Variants in EYA4 observed in about 807,000 individuals in gnomAD.
The protein encoded by EYA4 is EYA transcriptional coactivator and phosphatase 4.
A neutral mutation model predicts 87.9 loss-of-function variants in EYA4; 31 were observed. That is an observed-to-expected ratio of 0.35 (90% CI 0.27 to 0.48). The LOEUF (loss-of-function observed/expected upper bound fraction) is 0.48, where lower values mean the gene tolerates loss of function less well. Among genes scored for constraint, EYA4 ranks in the 20% least tolerant of loss-of-function variants. EYA4 has a pLI of 0.99. For missense variants in EYA4, 678 were observed against 761.4 expected, an observed-to-expected ratio of 0.89 and a Z score of 1.29; for synonymous variants, 263 against 270.6, an observed-to-expected ratio of 0.97 and a Z score of 0.28.
Position 133,529,522 on chromosome 6 carries a change from G to GAAA in EYA4, c.*723_*725dup, listed in dbSNP as rs1368384338. 2.7e-3 allele frequency: 2,377 copies of GAAA among 876,930 alleles called. 35 individuals carry two copies. In the African/African-American group the frequency reaches 0.033, roughly 12 times the overall value. 54.3% of individuals were successfully genotyped at this position (876,930 alleles called of 1,614,324 possible). A position where few individuals can be genotyped will look rare whatever the true frequency, so the allele number is the denominator to read the frequency against. On this transcript the variant is annotated 3_prime_UTR_variant, in exon 20 of 20. Coordinates refer to ENST00000355286, the MANE Select transcript of EYA4 (RefSeq NM_004100.5). ...TTTGGTTAAAATCTCTGTAGATAAT[G>GAAA]AAAAAAAACAAAAAAAAAAACCTTT...
intron 2 of EYA4, among the ~76,000 whole-genome samples, chr6:133,362,537 T>C (rs1221693356): frequency 1.3e-5 from 2 of 152,140 alleles, no homozygotes; most frequent in Admixed American, 1.3e-4. Flanking sequence ...ATGCCCTCAA[T>C]TGAAACAGAC....
chr6:133,307,891 A>G (rs1197361349), intron 2 of EYA4, among the ~76,000 whole-genome samples: 8 of 152,122 alleles, frequency 5.3e-5, no homozygotes, highest in Non-Finnish European at 7.4e-5. Context: ...GCTCCCTCCC[A>G]TAATCCCCGT....
At chr6:133,516,759 C>T (rs992090148) in intron 17 of EYA4, among the ~76,000 whole-genome samples, 4 of 151,096 alleles carry the variant, frequency 2.6e-5, no homozygotes, top group Admixed American at 6.6e-5. Context: ...TTAATGAGAA[C>T]GTGCAGTATT....
chr6:133,376,796 A>G (rs983509303), intron 2 of EYA4, among the ~76,000 whole-genome samples: 9 of 152,050 alleles, frequency 5.9e-5, no homozygotes, highest in Admixed American at 1.3e-4. Flanking sequence ...TATTGAAAGT[A>G]TTAATTATTC....
intron 3 of EYA4, among the ~76,000 whole-genome samples, chr6:133,407,726 CT>C (rs1788843976): frequency 7.3e-6 from 1 of 137,234 alleles, no homozygotes; most frequent in African/African-American, 2.7e-5. Flanking sequence ...ATGTTTGTTA[CT>C]AATTTTCAGG....
intron 3 of EYA4, among the ~76,000 whole-genome samples, chr6:133,423,463 T>C (rs1157215852): frequency 6.6e-6 from 1 of 152,224 alleles, no homozygotes; most frequent in Non-Finnish European, 1.5e-5. Context: ...TGACCTTTAT[T>C]TGATTTTGTA....
intron 2 of EYA4, among the ~76,000 whole-genome samples, chr6:133,379,784 T>C (rs1786023448): frequency 6.6e-6 from 1 of 152,134 alleles, no homozygotes; most frequent in African/African-American, 2.4e-5. Context: ...ATCTCTGCCT[T>C]CATGGAACTT....
chr6:133,529,990 C>T lies in EYA4; in HGVS notation c.*1185C>T. 1 of 985,338 alleles carries T rather than the reference C, an allele frequency of 1.0e-6. No individual in the cohort carries two copies. The highest frequency in any genetic ancestry group is 1.2e-6 in the Non-Finnish European group (1 of 829,888). 61.0% of individuals were successfully genotyped at this position (985,338 alleles called of 1,614,324 possible). ...TGGCATAAAATTCACATTGAGTGCA[C>T]AGGGCTTAAAATAAAGCTAAGTATG... On this transcript the variant is annotated 3_prime_UTR_variant, in exon 20 of 20. Transcript: ENST00000355286.
At chr6:133,320,125 C>T (rs575418305) in intron 2 of EYA4, among the ~76,000 whole-genome samples, 30 of 148,624 alleles carry the variant, frequency 2.0e-4, no homozygotes, top group Non-Finnish European at 4.0e-4. Context: ...ATTGAGTTTT[C>T]GATGACCATT....
Position 133,312,837 on chromosome 6 carries a change from A to AT in EYA4, c.33+38034dup, listed in dbSNP as rs958169819. 5.6e-4 allele frequency among the ~76,000 whole-genome samples: 67 copies of AT among 120,630 alleles called. 1 individual carries two copies. The South Asian group carries it at 0.011, about 21-fold the overall frequency. The allele number at this position is 120,630 out of a possible 152,430, so 79.1% of individuals were successfully genotyped here. A position where few individuals can be genotyped will look rare whatever the true frequency, so the allele number is the denominator to read the frequency against. ...TAGTTTTTTTCTTACCACCCTTCTC[A>AT]TTTTTTTTTTCCATTCCTTCCATCT... On this transcript the variant is annotated intron_variant, in intron 2 of 19. Coordinates refer to ENST00000355286, the MANE Select transcript of EYA4 (RefSeq NM_004100.5).
chr6:133,472,289 T>A (rs1795338058), intron 11 of EYA4, among the ~76,000 whole-genome samples: 1 of 87,936 alleles, frequency 1.1e-5, no homozygotes, highest in Non-Finnish European at 2.1e-5. Flanking sequence ...TTCTGGTATG[T>A]GGTGTCTTTG....
Position 133,529,018 on chromosome 6 carries a change from C to T in EYA4, c.*213C>T. The T allele has an allele frequency of 1.5e-6, 2 of 1,349,658 alleles. No homozygotes were observed. The highest frequency in any genetic ancestry group is 1.9e-6 in the Non-Finnish European group (2 of 1,047,236). 83.6% of individuals were successfully genotyped at this position (1,349,658 alleles called of 1,614,324 possible). On this transcript the variant is annotated 3_prime_UTR_variant, in exon 20 of 20. Transcript: ENST00000355286. ...ACTCTATGGTCTTATATTTACAACACTTTAATGGGTTTTTTAAAAATCTGT... is the reference window on the plus strand; with the variant it reads ...ACTCTATGGTCTTATATTTACAACATTTTAATGGGTTTTTTAAAAATCTGT...
intron 3 of EYA4, among the ~76,000 whole-genome samples, chr6:133,433,971 G>A (rs1178527309): frequency 1.3e-5 from 2 of 152,186 alleles, no homozygotes; most frequent in Non-Finnish European, 2.9e-5. Flanking sequence ...TGAGGACAAA[G>A]CTAATGTACT....
intron 3 of EYA4, among the ~76,000 whole-genome samples, chr6:133,404,193 T>C (rs185076319): frequency 3.3e-4 from 50 of 152,310 alleles, no homozygotes; most frequent in African/African-American, 1.0e-3. Flanking sequence ...CACTTATTTT[T>C]CTCAGTTCAG....
chr6:133,343,712 T>G (rs369054458), intron 2 of EYA4, among the ~76,000 whole-genome samples: 1 of 151,956 alleles, frequency 6.6e-6, no homozygotes, highest in African/African-American at 2.4e-5. Flanking sequence ...TGTTTACATA[T>G]TCATTTTCCT....
At chr6:133,389,062 A>C (rs1003768420) in intron 3 of EYA4, among the ~76,000 whole-genome samples, 1 of 151,182 alleles carries the variant, frequency 6.6e-6, no homozygotes, top group Admixed American at 6.6e-5. Context: ...TTCCCCTCCC[A>C]CCTTTGCTTA....
chr6:133,365,321 C>G (rs1784775868), intron 2 of EYA4, among the ~76,000 whole-genome samples: 1 of 152,108 alleles, frequency 6.6e-6, no homozygotes, highest in Admixed American at 6.5e-5. Context: ...TTCTTGACAT[C>G]TACTTATGTA....
chr6:133,301,578 A>G (rs1200777039), intron 2 of EYA4, among the ~76,000 whole-genome samples: 1 of 152,260 alleles, frequency 6.6e-6, no homozygotes, highest in African/African-American at 2.4e-5. Context: ...TAAGTATTCT[A>G]CATGTGTTAC....
chr6:133,507,865 T>A (rs781300610), intron 14 of EYA4, among the ~76,000 whole-genome samples: 5 of 152,178 alleles, frequency 3.3e-5, no homozygotes, highest in Non-Finnish European at 7.3e-5. Context: ...GTAGAATGAT[T>A]AATAATCCTT....
Sources: gnomAD v4.1 joint callset for allele counts (sites outside exome capture counted in the v4.1 genomes callset) on GRCh38, gnomAD v4.1.1 for gene constraint, MANE v1.5 for transcripts, NCBI Gene and HGNC (gene_info 2026-07-23, HGNC 2026-07-21) for gene names.